Variants in MTRF1 observed in about 807,000 individuals in gnomAD.
MTRF1 encodes the protein peptide chain release factor 1, mitochondrial.
In MTRF1, 51 loss-of-function variants were observed where a neutral mutation model predicts 62.9. That is an observed-to-expected ratio of 0.81 (90% CI 0.65 to 1.02). The LOEUF (loss-of-function observed/expected upper bound fraction) is 1.02. Among genes scored for constraint, MTRF1 ranks in the 50% least tolerant of loss-of-function variants. MTRF1 has a pLI of 0.00. For synonymous variants in MTRF1, 158 were observed against 181.9 expected, an observed-to-expected ratio of 0.87 and a Z score of 1.06; for missense variants, 446 against 530.0, an observed-to-expected ratio of 0.84 and a Z score of 1.56.
In MTRF1 at chr13:41,223,287, T is replaced by C. The variant is rs1593573508; in HGVS notation, c.1193A>G (p.His398Arg). The stretch of plus-strand genomic sequence containing the variant: ...ATCACGAACTTCATATGCTATCCTG[T>C]GGTCACTGACTCTATCCTGGGTGAA... ...YNFTQDRVSD[H>R]RIAYEVRDIK... The change falls in exon 9 of 10, where the codon CAC becomes CGC. Residue 398 changes from histidine to arginine, a missense_variant. Transcript: ENST00000379480. 9 of 1,614,054 alleles carry C rather than the reference T, an allele frequency of 5.6e-6. No individual in the cohort carries two copies. The highest frequency in any genetic ancestry group is 3.3e-5 in the South Asian group (3 of 91,086).
rs964701077 is a variant in MTRF1, at chr13:41,227,218, C to T, written c.989-650G>A. Among the ~76,000 whole-genome samples, 31 of 151,034 alleles carry T rather than the reference C, an allele frequency of 2.1e-4. 1 individual carries two copies. Among genetic ancestry groups the T allele is most frequent in the East Asian group, 1.9e-4 (1 of 5,162 alleles). ...AGGAGAATCGCTTGAACCTGGGAGG[C>T]GGAGGTTGCAGTCAGCCGAGATTAT... On this transcript the variant is annotated intron_variant, in intron 7 of 9. Coordinates refer to ENST00000379480, the MANE Select transcript of MTRF1 (RefSeq NM_004294.4).
intron 9 of MTRF1, among the ~76,000 whole-genome samples, chr13:41,219,441 G>C (rs1243532047): frequency 6.6e-6 from 1 of 152,082 alleles, no homozygotes; most frequent in Non-Finnish European, 1.5e-5. Flanking sequence ...GAGATACAAA[G>C]GTCAAAGATG....
intron 5 of MTRF1, among the ~76,000 whole-genome samples, chr13:41,241,177 T>C (rs367910469): frequency 6.6e-6 from 1 of 152,248 alleles, no homozygotes; most frequent in East Asian, 1.9e-4. Context: ...CTTGAGTGGC[T>C]AGGATTACAG....
At chr13:41,243,983 A>C (rs1002495324) in intron 5 of MTRF1, among the ~76,000 whole-genome samples, 11 of 152,194 alleles carry the variant, frequency 7.2e-5, no homozygotes, top group African/African-American at 2.7e-4. Flanking sequence ...CTTATGTAAC[A>C]AATTTATTCC....
intron 6 of MTRF1, chr13:41,236,666 A>G (rs577748528): frequency 6.6e-6 from 1 of 152,348 alleles, no homozygotes; most frequent in South Asian, 2.1e-4. Context: ...GCCTTAAGAC[A>G]TCAATAAATA....
chr13:41,297,102 A>G, the MTRF1 span, among the ~76,000 whole-genome samples: 1 of 152,182 alleles, frequency 6.6e-6, no homozygotes, highest in Admixed American at 6.5e-5. Context: ...TGACTCATTC[A>G]TGAGGATCGT....
rs145654194 is a variant in MTRF1 at position 41,260,520 on chromosome 13, T to C, written c.388A>G (p.Ile130Val). Residue 130 changes from isoleucine (I) to valine (V), a missense_variant, in exon 2 of 10, where the codon ATT (isoleucine) becomes GTT (valine). Physicochemically the swap from Ile to Val is conservative, Grantham distance 29 (BLOSUM62 3). Coordinates refer to ENST00000379480, the MANE Select transcript of MTRF1 (RefSeq NM_004294.4). ...YQEIQETEQA[I>V]EELESMCKSL... Reference sequence around the variant, plus strand: ...TTACACATTGATTCTAATTCTTCAATTGCTTGTTCAGTCTCCTGAATTTCT... The same window carrying C: ...TTACACATTGATTCTAATTCTTCAACTGCTTGTTCAGTCTCCTGAATTTCT... The C allele has an allele frequency of 1.9e-6, 3 of 1,613,294 alleles. No individual in the cohort carries two copies. The highest frequency in any genetic ancestry group is 2.5e-6 in the Non-Finnish European group (3 of 1,179,562).
At chr13:41,277,411 C>T in the MTRF1 span, among the ~76,000 whole-genome samples, 4 of 152,190 alleles carry the variant, frequency 2.6e-5, no homozygotes, top group African/African-American at 9.7e-5. Flanking sequence ...GGATTACAGG[C>T]ATGAGTCACC....
At chr13:41,233,858 G>A (rs750960928) in intron 7 of MTRF1, 32 bp downstream of exon 7, 1 of 1,529,228 alleles carries the variant, frequency 6.5e-7, no homozygotes, top group East Asian at 2.3e-5. Flanking sequence ...TGGAAAAAGG[G>A]TTAAAAGTAC....
At chr13:41,219,394 A>G (rs2032727102) in intron 9 of MTRF1, among the ~76,000 whole-genome samples, 1 of 152,250 alleles carries the variant, frequency 6.6e-6, no homozygotes, top group Admixed American at 6.5e-5. Flanking sequence ...ACTGGGAGTC[A>G]AACACATTAG....
At chr13:41,218,133 T>C (rs75095956) in intron 9 of MTRF1, among the ~76,000 whole-genome samples, 1 of 152,252 alleles carries the variant, frequency 6.6e-6, no homozygotes, top group Admixed American at 6.5e-5. Flanking sequence ...TCTTTTTTTT[T>C]GAGACTGGCT....
At chr13:41,308,606 T>G in the MTRF1 span, among the ~76,000 whole-genome samples, 1 of 152,168 alleles carries the variant, frequency 6.6e-6, no homozygotes, top group Admixed American at 6.5e-5. Flanking sequence ...CTAGTACAGG[T>G]GCGACTAAGG....
chr13:41,279,402 C>T, the MTRF1 span, among the ~76,000 whole-genome samples: 29 of 152,338 alleles, frequency 1.9e-4, no homozygotes, highest in African/African-American at 6.0e-4. Context: ...TAACCGTAAC[C>T]CAAACGTTCC....
chr13:41,311,841 A>G, the MTRF1 span, among the ~76,000 whole-genome samples: 15 of 151,438 alleles, frequency 9.9e-5, no homozygotes, highest in African/African-American at 2.4e-4. Flanking sequence ...CAGAAACTTC[A>G]CGCCGCTCTC....
At chr13:41,289,683 A>G in the MTRF1 span, among the ~76,000 whole-genome samples, 1 of 152,192 alleles carries the variant, frequency 6.6e-6, no homozygotes, top group Non-Finnish European at 1.5e-5. Context: ...GATCCACGAC[A>G]GCTTTCTGAA....
rs769022052 is a variant in MTRF1 at position 41,260,553 on chromosome 13, T to A, written c.355A>T (p.Ile119Phe). 1.3e-5 allele frequency: 21 copies of A among 1,614,014 alleles called. No homozygotes were observed. The highest frequency in any genetic ancestry group is 1.7e-6 in the Non-Finnish European group (2 of 1,180,020). Residue 119 changes from isoleucine to phenylalanine, a missense_variant, in exon 2 of 10, where the codon ATT becomes TTT. Ile to Phe is a conservative substitution (Grantham distance 21). Coordinates refer to ENST00000379480, the MANE Select transcript of MTRF1 (RefSeq NM_004294.4). The stretch of plus-strand genomic sequence containing the variant: ...TCAGTCTCCTGAATTTCTTGGTAAA[T>A]GGCTGCAAGAGGTGCCAACTCAGCA... ...RHAELAPLAA[I>F]YQEIQETEQA...
upstream of MTRF1, among the ~76,000 whole-genome samples, chr13:41,267,652 T>C (rs1458156636): frequency 2.0e-5 from 3 of 152,192 alleles, no homozygotes; most frequent in Admixed American, 1.3e-4. Flanking sequence ...GAAGATTGCT[T>C]GAACTCAGGA....
the MTRF1 span, among the ~76,000 whole-genome samples, chr13:41,299,978 CT>C: frequency 6.6e-6 from 1 of 152,160 alleles, no homozygotes; most frequent in Non-Finnish European, 1.5e-5. Context: ...TGTCTCAATC[CT>C]CAAGAAAGCC....
At chr13:41,292,897 C>T in the MTRF1 span, among the ~76,000 whole-genome samples, 4 of 152,268 alleles carry the variant, frequency 2.6e-5, no homozygotes, top group East Asian at 7.7e-4. Context: ...GATTATGCCA[C>T]AGCACTCCAG....
Sources: allele counts gnomAD v4.1 joint callset (sites outside exome capture counted in the v4.1 genomes callset), GRCh38; gene constraint gnomAD v4.1.1; transcripts MANE v1.5; gene names NCBI Gene and HGNC (gene_info 2026-07-23, HGNC 2026-07-21).